Variants in DPYSL3 observed in about 807,000 individuals in gnomAD.
The protein encoded by DPYSL3 is dihydropyrimidinase like 3.
A neutral mutation model predicts 66.1 loss-of-function variants in DPYSL3; 16 were observed. The ratio of observed to expected loss-of-function variants is 0.24; its 90% CI spans 0.16 to 0.37. The LOEUF (loss-of-function observed/expected upper bound fraction) is 0.37. DPYSL3 is among the 10% of genes least tolerant of loss of function. DPYSL3 has a pLI of 1.00. For missense variants in DPYSL3, 738 were observed against 916.2 expected (o/e 0.81, Z 2.51); for synonymous variants, 338 against 345.1 (o/e 0.98, Z 0.23).
At chr5:147,507,125 G>A (rs1374554733) in intron 1 of DPYSL3, among the ~76,000 whole-genome samples, 2 of 152,262 alleles carry the variant, frequency 1.3e-5, no homozygotes, top group Non-Finnish European at 1.5e-5. Context: ...ACAAATAGGA[G>A]CAAGAAATAT....
At chr5:147,435,255 C>G (rs1752395682) in intron 1 of DPYSL3, among the ~76,000 whole-genome samples, 1 of 152,192 alleles carries the variant, frequency 6.6e-6, no homozygotes. Context: ...ATTATGATCA[C>G]AGCGTGTTAC....
At chr5:147,479,166 G>C (rs1753202599) in intron 1 of DPYSL3, among the ~76,000 whole-genome samples, 1 of 152,164 alleles carries the variant, frequency 6.6e-6, no homozygotes, top group Non-Finnish European at 1.5e-5. Flanking sequence ...GCACTACAGG[G>C]ATTATCTTAC....
intron 1 of DPYSL3, among the ~76,000 whole-genome samples, chr5:147,448,368 A>G (rs1326090274): frequency 6.6e-6 from 1 of 152,238 alleles, no homozygotes; most frequent in East Asian, 1.9e-4. Context: ...GATGACAAGC[A>G]TAAAATTCTT....
intron 1 of DPYSL3, among the ~76,000 whole-genome samples, chr5:147,439,264 TA>T (rs1752483590): frequency 1.3e-5 from 2 of 151,930 alleles, no homozygotes; most frequent in Admixed American, 6.6e-5. Flanking sequence ...AGAAAAAGGA[TA>T]AGGGGACGGT....
In DPYSL3 at chr5:147,392,243, A is replaced by C. The variant is rs1032219554; in HGVS notation, c.*1792T>G. 1.3e-5 allele frequency: 2 copies of C among 152,200 alleles called. No homozygotes were observed. The highest frequency in any genetic ancestry group is 1.3e-4 in the Admixed American group (2 of 15,290). 9.4% of individuals were successfully genotyped at this position (152,200 alleles called of 1,614,324 possible). On this transcript the variant is annotated 3_prime_UTR_variant, in exon 14 of 14. Coordinates refer to ENST00000343218, the MANE Select transcript of DPYSL3 (RefSeq NM_001197294.2). ...TCCCTTAAAAGAAAAGCACTACAAG[A>C]GCTTTAAAATAGCAAGCTTCCCTAT...
chr5:147,435,593 T>C (rs1354782285), intron 1 of DPYSL3, among the ~76,000 whole-genome samples: 5 of 152,008 alleles, frequency 3.3e-5, no homozygotes, highest in Non-Finnish European at 7.4e-5. Context: ...ACCTTTACTA[T>C]GTAGTAGCCC....
At chr5:147,499,680 T>C (rs1369636704) in intron 1 of DPYSL3, among the ~76,000 whole-genome samples, 3 of 152,186 alleles carry the variant, frequency 2.0e-5, no homozygotes, top group Non-Finnish European at 4.4e-5. Context: ...TTCTAGCACG[T>C]TGTTTTGTTG....
At position 147,488,027 on chromosome 5, in the gene DPYSL3, GT is replaced by G. The variant is rs556018833; in HGVS notation, c.381+21450del. Among the ~76,000 whole-genome samples, 135 of 152,214 alleles carry G rather than the reference GT, an allele frequency of 8.9e-4. No homozygotes were observed. In the Middle Eastern group the frequency reaches 0.027, roughly 31 times the overall value. ...TGTGAAAAACCATTATTCACTAACT[GT>G]TTTTTTCCTTCTCACTTAATATCCG... On this transcript the variant is annotated intron_variant, in intron 1 of 13. Coordinates refer to ENST00000343218, the MANE Select transcript of DPYSL3 (RefSeq NM_001197294.2).
chr5:147,486,141 GA>G (rs1179200083), intron 1 of DPYSL3, among the ~76,000 whole-genome samples: 28 of 152,272 alleles, frequency 1.8e-4, no homozygotes, highest in African/African-American at 6.3e-4. Context: ...AAAATATCCA[GA>G]ATAGGTAAAC....
At chr5:147,447,655 G>C (rs1752651601) in intron 1 of DPYSL3, among the ~76,000 whole-genome samples, 1 of 152,118 alleles carries the variant, frequency 6.6e-6, no homozygotes, top group African/African-American at 2.4e-5. Flanking sequence ...TGGATCACCT[G>C]AGGTCGGGAG....
rs1202488627 is a variant in DPYSL3, at chr5:147,425,654, T to C, written c.382-691A>G. 2.6e-5 allele frequency among the ~76,000 whole-genome samples: 4 copies of C among 152,208 alleles called. 1 individual carries two copies. The highest frequency in any genetic ancestry group is 5.9e-5 in the Non-Finnish European group (4 of 68,026). ...GTGCATTTCTTTATTGCTTTAATTA[T>C]GAGAAAAATAAAGCCTTTTTAAAAA... On this transcript the variant is annotated intron_variant, in intron 1 of 13. Coordinates refer to ENST00000343218, the MANE Select transcript of DPYSL3 (RefSeq NM_001197294.2).
rs893529692 is a variant in DPYSL3, at chr5:147,412,816, T to C, written c.883-128A>G. 1.0e-5 allele frequency: 8 copies of C among 782,070 alleles called. No individual in the cohort carries two copies. In the African/African-American group the frequency reaches 1.2e-4, roughly 12 times the overall value. The allele number at this position is 782,070 out of a possible 1,614,324, so 48.4% of individuals were successfully genotyped here. On this transcript the variant is annotated intron_variant, in intron 5 of 13. Transcript: ENST00000343218. ...AGGAAATAAGTCACTAGGGCAGAAA[T>C]ATATATTACATAGGCATGACCAAAG... is the stretch of plus-strand genomic sequence containing the variant.
At chr5:147,477,226 A>T (rs1753167045) in intron 1 of DPYSL3, among the ~76,000 whole-genome samples, 1 of 152,204 alleles carries the variant, frequency 6.6e-6, no homozygotes, top group Non-Finnish European at 1.5e-5. Flanking sequence ...TGGGAAAAAA[A>T]TAGCCAATGA....
chr5:147,397,636 G>A (rs1346660787), intron 12 of DPYSL3, 30 bp downstream of exon 12: 3 of 1,601,338 alleles, frequency 1.9e-6, no homozygotes, highest in African/African-American at 2.7e-5. Flanking sequence ...CAAAGCTCCT[G>A]CACCACCTCA....
intron 1 of DPYSL3, among the ~76,000 whole-genome samples, chr5:147,493,944 A>G (rs1282522318): frequency 6.6e-6 from 1 of 152,126 alleles, no homozygotes; most frequent in Non-Finnish European, 1.5e-5. Flanking sequence ...TGTAAGCCCA[A>G]CACTTTGGGA....
chr5:147,451,828 TTTC>T (rs1422531877), intron 1 of DPYSL3, among the ~76,000 whole-genome samples: 1 of 152,224 alleles, frequency 6.6e-6, no homozygotes, highest in African/African-American at 2.4e-5. Context: ...TCTTTCTTTT[TTTC>T]TTTTTTCTTT....
chr5:147,496,975 C>T (rs1274266930), intron 1 of DPYSL3, among the ~76,000 whole-genome samples: 1 of 152,076 alleles, frequency 6.6e-6, no homozygotes, highest in African/African-American at 2.4e-5. Flanking sequence ...GCACTATTCA[C>T]AATAGCAAAG....
chr5:147,492,935 A>C (rs368038216), intron 1 of DPYSL3, among the ~76,000 whole-genome samples: 11 of 152,324 alleles, frequency 7.2e-5, no homozygotes, highest in African/African-American at 2.4e-4. Context: ...ACTTTATATT[A>C]ACTACAAAAA....
At chr5:147,469,222 T>C (rs1436083358) in intron 1 of DPYSL3, among the ~76,000 whole-genome samples, 1 of 152,210 alleles carries the variant, frequency 6.6e-6, no homozygotes, top group Non-Finnish European at 1.5e-5. Flanking sequence ...TGTAGGGCAA[T>C]ATCAATACAC....
Sources: allele counts gnomAD v4.1 joint callset (sites outside exome capture counted in the v4.1 genomes callset), GRCh38; gene constraint gnomAD v4.1.1; transcripts MANE v1.5; gene names NCBI Gene and HGNC (gene_info 2026-07-23, HGNC 2026-07-21).